Variants in MDN1 observed in about 807,000 individuals in gnomAD.
The protein encoded by MDN1 is midasin AAA ATPase 1, also known as midasin.
MDN1 carries 266 observed loss-of-function variants against 669.2 expected under a neutral mutation model. The observed-to-expected ratio is 0.40, with a 90% CI of 0.36 to 0.44. The LOEUF (loss-of-function observed/expected upper bound fraction) is 0.44. Among genes scored for constraint, MDN1 ranks in the 20% least tolerant of loss-of-function variants. MDN1 has a pLI of 1.00. For missense variants in MDN1, 5,940 were observed against 6,754.0 expected, an observed-to-expected ratio of 0.88 and a Z score of 4.22; for synonymous variants, 2,385 against 2,457.1, an observed-to-expected ratio of 0.97 and a Z score of 0.87.
At chr6:89,781,631 C>G (rs748798865) in intron 9 of MDN1, 39 bp from the exon 10 acceptor site, 1 of 1,499,006 alleles carries the variant, frequency 6.7e-7, no homozygotes, top group Non-Finnish European at 9.0e-7. Context: ...TAACAGCCAG[C>G]ATGGTAATTT....
At position 89,727,871 on chromosome 6, in the gene MDN1, C is replaced by T; in HGVS notation, c.5434G>A (p.Ala1812Thr). 2.5e-6 allele frequency: 4 copies of T among 1,614,008 alleles called. No individual in the cohort carries two copies. Among genetic ancestry groups the T allele is most frequent in the Non-Finnish European group, 3.4e-6 (4 of 1,179,970 alleles). Residue 1812 changes from alanine (A) to threonine (T), a missense_variant, in exon 37 of 102, where the codon GCA (alanine) becomes ACA (threonine). Ala to Thr is a moderately conservative substitution (Grantham distance 58, BLOSUM62 0). Around this residue, in one of 5 missense-constraint regions of MDN1, gnomAD observed 2,292 missense variants for 2,638.3 expected, o/e 0.87. Coordinates refer to ENST00000369393, the MANE Select transcript of MDN1 (RefSeq NM_014611.3). ...EFAWRDGPLLAALKAGHWVVL... is the reference protein window; with the variant it reads ...EFAWRDGPLLTALKAGHWVVL... ...ACCCAATGGCCTGCCTTCAAAGCTG[C>T]CAGTAAGGGGCCATCACGCCAGGCA...
Position 89,743,639 on chromosome 6 carries a change from T to C in MDN1, c.4254A>G (p.Leu1418=). The change falls in exon 30 of 102, where the codon TTA becomes TTG. Residue 1418 remains leucine, a synonymous_variant. Transcript: ENST00000369393. ...CCAGGAAGTCTGATGTCTCCATGTGTAAGTGGCAGCTGACAGAGTATAATT... is the reference window on the plus strand; with the variant it reads ...CCAGGAAGTCTGATGTCTCCATGTGCAAGTGGCAGCTGACAGAGTATAATT... ...NQKLYSVSCH[L]HMETSDFLGG... 1 of 1,614,134 alleles carries C rather than the reference T, an allele frequency of 6.2e-7. No homozygotes were observed. The highest frequency in any genetic ancestry group is 8.5e-7 in the Non-Finnish European group (1 of 1,179,974).
chr6:89,708,864 T>G (rs1056462465), intron 50 of MDN1, among the ~76,000 whole-genome samples: 5 of 151,734 alleles, frequency 3.3e-5, no homozygotes, highest in African/African-American at 1.2e-4. Flanking sequence ...TGAAAGTTCA[T>G]CCCAATGCAG....
At chr6:89,818,668 G>A (rs960029654) in intron 1 of MDN1, among the ~76,000 whole-genome samples, 4 of 151,874 alleles carry the variant, frequency 2.6e-5, no homozygotes, top group African/African-American at 9.7e-5. Context: ...AAAGTAGCTA[G>A]GCATGGTGGC....
intron 11 of MDN1, among the ~76,000 whole-genome samples, chr6:89,777,751 C>A (rs1033594464): frequency 2.0e-5 from 3 of 152,134 alleles, no homozygotes; most frequent in African/African-American, 7.2e-5. Context: ...CCCCACCTGA[C>A]TCAGTTACCC....
intron 77 of MDN1, 84 bp from the exon 78 acceptor site, chr6:89,675,663 T>A: frequency 8.7e-7 from 1 of 1,149,442 alleles, no homozygotes; most frequent in South Asian, 1.3e-5. Context: ...GTTTCTACTA[T>A]AAGCGTCAGA....
In MDN1 at chr6:89,716,711, T is replaced by C. The variant is rs1489258179; in HGVS notation, c.6682A>G (p.Met2228Val). The change falls in exon 44 of 102, where the codon ATG becomes GTG. Residue 2228 changes from methionine (M) to valine (V), a missense_variant. Coordinates refer to ENST00000369393, the MANE Select transcript of MDN1 (RefSeq NM_014611.3). ...SHGTFEWVDS[M>V]LVQALKSGDW... The stretch of plus-strand genomic sequence containing the variant: ...CCAGACTTCAGGGCCTGAACCAACA[T>C]GCTGTCAACCCATTCAAATGTGCCA... 1.2e-6 allele frequency: 2 copies of C among 1,614,100 alleles called. No individual in the cohort carries two copies. Among genetic ancestry groups the C allele is most frequent in the African/African-American group, 1.3e-5 (1 of 75,046 alleles).
In MDN1 at chr6:89,809,103, G is replaced by C. The variant is rs1352887735; in HGVS notation, c.103-5549C>G. ...ATGGTGGTGGGAGCCTGTAATCCCA[G>C]CTACCAGGGAGGCTGAGGCGGCAGA... On this transcript the variant is annotated intron_variant, in intron 1 of 101. Transcript: ENST00000369393. Among the ~76,000 whole-genome samples, 7 of 150,478 alleles carry C rather than the reference G, an allele frequency of 4.7e-5. No homozygotes were observed. The South Asian group carries it at 8.4e-4, about 18-fold the overall frequency.
At chr6:89,677,543 G>A in intron 76 of MDN1, 27 bp downstream of exon 76, 1 of 1,612,174 alleles carries the variant, frequency 6.2e-7, no homozygotes, top group Non-Finnish European at 8.5e-7. Context: ...TATAAGTAGG[G>A]AAAAAACAAA....
intron 51 of MDN1, 131 bp downstream of exon 51, chr6:89,708,365 T>C (rs1465239036): frequency 2.6e-6 from 3 of 1,145,004 alleles, no homozygotes; most frequent in Non-Finnish European, 3.7e-6. Context: ...AAGGCAATCA[T>C]GTCCAACACC....
rs1424030682 is a variant in MDN1 at position 89,761,631 on chromosome 6, A to C, written c.2460+14T>G. ...TCAACGTTCCCATAAGCTAAATAAC[A>C]AAAACAGAAATACCTCTACAAATGC... On this transcript the variant is annotated intron_variant, in intron 17 of 101. Transcript: ENST00000369393. 8.9e-6 allele frequency: 14 copies of C among 1,575,104 alleles called. No individual in the cohort carries two copies. Among genetic ancestry groups the C allele is most frequent in the Non-Finnish European group, 1.2e-5 (14 of 1,155,132 alleles).
chr6:89,716,192 A>G (rs1814358170), intron 44 of MDN1, among the ~76,000 whole-genome samples: 1 of 152,216 alleles, frequency 6.6e-6, no homozygotes, highest in African/African-American at 2.4e-5. Context: ...TGTTAACTGT[A>G]TATGTACAAT....
intron 23 of MDN1, among the ~76,000 whole-genome samples, chr6:89,750,979 T>C (rs2128318859): frequency 6.6e-6 from 1 of 151,636 alleles, no homozygotes; most frequent in South Asian, 2.1e-4. Context: ...CATTTTTTTT[T>C]CCTTTTTTTT....
chr6:89,708,442 T>A, intron 51 of MDN1, 54 bp downstream of exon 51: 1 of 1,595,654 alleles, frequency 6.3e-7, no homozygotes, highest in South Asian at 1.1e-5. Context: ...AGGAAAGGTA[T>A]AATCCGAGAA....
At chr6:89,699,880 G>A (rs1401308018) in intron 57 of MDN1, among the ~76,000 whole-genome samples, 153 bp from the exon 58 acceptor site, 1 of 151,738 alleles carries the variant, frequency 6.6e-6, no homozygotes. Flanking sequence ...GACTTTTAAA[G>A]TAGAGTCAAA....
chr6:89,819,608 G>T lies in MDN1; in HGVS notation c.-1C>A. Reference sequence around the variant, plus strand: ...CCACCTCCAGCAAGAAGTGCTCCATGACCCAGGGCCCTCACCCCGAGCGGC... The same window carrying T: ...CCACCTCCAGCAAGAAGTGCTCCATTACCCAGGGCCCTCACCCCGAGCGGC... On this transcript the variant is annotated 5_prime_UTR_variant, in exon 1 of 102. Coordinates refer to ENST00000369393, the MANE Select transcript of MDN1 (RefSeq NM_014611.3). 6.2e-7 allele frequency: 1 copy of T among 1,600,734 alleles called. No homozygotes were observed. Among genetic ancestry groups the T allele is most frequent in the South Asian group, 1.1e-5 (1 of 91,054 alleles).
At chr6:89,669,348 C>A (rs371582809) in intron 83 of MDN1, among the ~76,000 whole-genome samples, 1 of 152,170 alleles carries the variant, frequency 6.6e-6, no homozygotes, top group African/African-American at 2.4e-5. Flanking sequence ...CCACCAGAGG[C>A]GGAGAAACCT....
At chr6:89,768,917 T>C (rs1817945898) in intron 15 of MDN1, among the ~76,000 whole-genome samples, 2 of 152,152 alleles carry the variant, frequency 1.3e-5, no homozygotes, top group Admixed American at 1.3e-4. Context: ...CTGCATGTAG[T>C]GGCTTGTGCT....
At chr6:89,728,388 A>C (rs1275127018) in intron 36 of MDN1, among the ~76,000 whole-genome samples, 1 of 152,246 alleles carries the variant, frequency 6.6e-6, no homozygotes, top group Non-Finnish European at 1.5e-5. Flanking sequence ...TATTACAATA[A>C]ATACCAAAGT....
Sources: gnomAD v4.1 joint callset for allele counts (sites outside exome capture counted in the v4.1 genomes callset) on GRCh38, gnomAD v4.1.1 for gene constraint, gnomAD v4.1.1 regional missense constraint, MANE v1.5 for transcripts, NCBI Gene and HGNC (gene_info 2026-07-23, HGNC 2026-07-21) for gene names.